Variants in CCSER1 observed in about 807,000 individuals in gnomAD.
CCSER1 encodes the protein serine-rich coiled-coil domain-containing protein 1.
A neutral mutation model predicts 82.0 loss-of-function variants in CCSER1; 41 were observed. The ratio of observed to expected loss-of-function variants is 0.50; its 90% CI spans 0.39 to 0.65. The LOEUF (loss-of-function observed/expected upper bound fraction) is 0.65. Ranked by LOEUF, CCSER1 falls within the 30% of genes least tolerant of loss-of-function variation. The probability of loss-of-function intolerance (pLI) is 0.00; values close to 1 mark genes in which losing one functional copy is unlikely to be tolerated. For missense variants in CCSER1, 1,119 were observed against 1,064.2 expected, an observed-to-expected ratio of 1.05 and a Z score of -0.72; for synonymous variants, 414 against 383.9, an observed-to-expected ratio of 1.08 and a Z score of -0.92.
chr4:90,179,801 A>G (rs887632882), intron 1 of CCSER1, among the ~76,000 whole-genome samples: 1 of 151,578 alleles, frequency 6.6e-6, no homozygotes, highest in Non-Finnish European at 1.5e-5. Flanking sequence ...ATTTCCCTTT[A>G]CTCAATTAAA....
chr4:90,195,253 G>A (rs1271123492), intron 1 of CCSER1, among the ~76,000 whole-genome samples: 1 of 152,020 alleles, frequency 6.6e-6, no homozygotes, highest in African/African-American at 2.4e-5. Flanking sequence ...TCCAGACAAT[G>A]GAATGATTCA....
At chr4:90,524,456 GT>G (rs544663703) in intron 5 of CCSER1, among the ~76,000 whole-genome samples, 75 of 151,888 alleles carry the variant, frequency 4.9e-4, no homozygotes, top group African/African-American at 1.7e-3. Context: ...CATGAAGATT[GT>G]TTTTTTTGTT....
chr4:90,664,424 G>A (rs1731348727), intron 6 of CCSER1, among the ~76,000 whole-genome samples: 1 of 152,126 alleles, frequency 6.6e-6, no homozygotes, highest in Non-Finnish European at 1.5e-5. Flanking sequence ...TAACGGAAAA[G>A]GGAGTTTTTT....
intron 5 of CCSER1, among the ~76,000 whole-genome samples, chr4:90,490,679 A>G (rs549799623): frequency 1.3e-5 from 2 of 152,316 alleles, no homozygotes; most frequent in East Asian, 1.9e-4. Flanking sequence ...TCTTTAATCC[A>G]TCTTAAATTA....
intron 3 of CCSER1, among the ~76,000 whole-genome samples, chr4:90,386,308 A>G (rs1288262299): frequency 6.6e-6 from 1 of 152,184 alleles, no homozygotes. Flanking sequence ...GCAGATACGT[A>G]CACAAATTGA....
chr4:90,439,855 C>T (rs540442184), intron 4 of CCSER1, among the ~76,000 whole-genome samples: 15 of 152,162 alleles, frequency 9.9e-5, no homozygotes, highest in African/African-American at 3.1e-4. Flanking sequence ...ACTTTTTGTT[C>T]TATGCAACTT....
chr4:90,139,953 C>T (rs938004077), intron 1 of CCSER1, among the ~76,000 whole-genome samples: 1 of 151,596 alleles, frequency 6.6e-6, no homozygotes, highest in Non-Finnish European at 1.5e-5. Flanking sequence ...GAGTGAGACT[C>T]CATCTCAAAA....
intron 10 of CCSER1, among the ~76,000 whole-genome samples, chr4:91,563,959 T>C (rs1762771388): frequency 1.3e-5 from 2 of 151,580 alleles, no homozygotes; most frequent in Non-Finnish European, 3.0e-5. Flanking sequence ...GTCATGATAG[T>C]TTGTTATAAA....
intron 9 of CCSER1, among the ~76,000 whole-genome samples, chr4:90,954,673 A>T (rs1483408492): frequency 2.6e-5 from 4 of 152,186 alleles, no homozygotes; most frequent in Non-Finnish European, 4.4e-5. Flanking sequence ...ATGCATAGGA[A>T]GTATCAATCT....
rs958876438 is a variant in CCSER1, at chr4:91,379,317, G to T, written c.2218-219255G>T. ...TTTTCTATTGATTGGAATAGTTTCA[G>T]AAGGAATGGTCCCAGCTCCTCCTTG... On this transcript the variant is annotated intron_variant, in intron 10 of 10. Transcript: ENST00000509176. Among the ~76,000 whole-genome samples the T allele has an allele frequency of 1.1e-4, 17 of 152,288 alleles. No homozygotes were observed. The South Asian group carries it at 2.3e-3, about 20-fold the overall frequency.
chr4:90,218,893 A>T (rs1741610975), intron 1 of CCSER1, among the ~76,000 whole-genome samples: 1 of 152,088 alleles, frequency 6.6e-6, no homozygotes, highest in Non-Finnish European at 1.5e-5. Context: ...TCTATGGAGT[A>T]GGATGCCTGT....
At chr4:90,502,803 T>C (rs2153612627) in intron 5 of CCSER1, among the ~76,000 whole-genome samples, 1 of 152,320 alleles carries the variant, frequency 6.6e-6, no homozygotes, top group South Asian at 2.1e-4. Context: ...AAATAATCCT[T>C]TTAAATCTCT....
intron 3 of CCSER1, among the ~76,000 whole-genome samples, chr4:90,394,979 T>C (rs1336889715): frequency 6.6e-6 from 1 of 152,212 alleles, no homozygotes; most frequent in Admixed American, 6.5e-5. Flanking sequence ...ATACAACACA[T>C]TATTATTAAT....
intron 10 of CCSER1, among the ~76,000 whole-genome samples, chr4:91,094,661 C>A (rs556382486): frequency 6.6e-6 from 1 of 152,230 alleles, no homozygotes; most frequent in East Asian, 1.9e-4. Flanking sequence ...TGGCTGAGCC[C>A]CAGGCTTAAC....
At chr4:91,491,553 G>A (rs1758543279) in intron 10 of CCSER1, among the ~76,000 whole-genome samples, 1 of 151,892 alleles carries the variant, frequency 6.6e-6, no homozygotes, top group African/African-American at 2.4e-5. Context: ...ATATTGGTTG[G>A]CCACAGCATA....
chr4:90,916,552 A>T (rs1236504425), intron 8 of CCSER1, among the ~76,000 whole-genome samples: 1 of 152,212 alleles, frequency 6.6e-6, no homozygotes, highest in East Asian at 1.9e-4. Context: ...ACCTAAAACC[A>T]TAAAAACCCT....
Position 90,468,601 on chromosome 4 carries a change from G to A in CCSER1, c.1724+247G>A, listed in dbSNP as rs191664133. Reference sequence around the variant, plus strand: ...CTTATCTTAAGGACATGGGCAAGTAGGCTGATGTACTTTATTTCCCTACTC... The same window carrying A: ...CTTATCTTAAGGACATGGGCAAGTAAGCTGATGTACTTTATTTCCCTACTC... On this transcript the variant is annotated intron_variant, in intron 5 of 10. Coordinates refer to ENST00000509176, the MANE Select transcript of CCSER1 (RefSeq NM_001145065.2). The A allele has an allele frequency of 2.2e-3, 683 of 307,624 alleles. 6 individuals are homozygous for A. The highest frequency in any genetic ancestry group is 7.0e-3 in the East Asian group (118 of 16,798). The allele number at this position is 307,624 out of a possible 1,614,324, so 19.1% of individuals were successfully genotyped here. A position where few individuals can be genotyped will look rare whatever the true frequency, so the allele number is the denominator to read the frequency against.
chr4:91,247,519 A>G (rs554689418), intron 10 of CCSER1, among the ~76,000 whole-genome samples: 2 of 152,148 alleles, frequency 1.3e-5, no homozygotes, highest in Non-Finnish European at 2.9e-5. Context: ...AGAGGCAATG[A>G]CACACTAACA....
At chr4:91,349,653 G>A (rs1748332692) in intron 10 of CCSER1, among the ~76,000 whole-genome samples, 1 of 151,904 alleles carries the variant, frequency 6.6e-6, no homozygotes, top group Admixed American at 6.6e-5. Context: ...TTGAGGTCAG[G>A]CCTTTCAAAA....
Sources: allele counts gnomAD v4.1 joint callset (sites outside exome capture counted in the v4.1 genomes callset), GRCh38; gene constraint gnomAD v4.1.1; transcripts MANE v1.5; gene names NCBI Gene and HGNC (gene_info 2026-07-23, HGNC 2026-07-21).